EXOC4: variants seen among roughly 807,000 people sequenced by gnomAD.
EXOC4 encodes SEC8-like 1.
In EXOC4, 71 loss-of-function variants were observed where a neutral mutation model predicts 107.2. The ratio of observed to expected loss-of-function variants is 0.66; its 90% CI spans 0.55 to 0.81. EXOC4 has a LOEUF of 0.81. Ranked by LOEUF, EXOC4 falls within the 30% of genes least tolerant of loss-of-function variation. The pLI is 0.00. For synonymous variants in EXOC4, 456 were observed against 441.2 expected (o/e 1.03, Z -0.42); for missense variants, 1,108 against 1,189.6 (o/e 0.93, Z 1.01).
chr7:133,293,455 C>T (rs530162419), intron 3 of EXOC4, among the ~76,000 whole-genome samples: 4 of 152,312 alleles, frequency 2.6e-5, no homozygotes, highest in Admixed American at 1.3e-4. Flanking sequence ...TCCTTCAAAA[C>T]CCCCTGATTT....
At position 133,780,759 on chromosome 7, in the gene EXOC4, C is replaced by T. The variant is rs575774923; in HGVS notation, c.1515-36566C>T. Among the ~76,000 whole-genome samples, 27 of 152,220 alleles carry T rather than the reference C, an allele frequency of 1.8e-4. No homozygotes were observed. In the East Asian group the frequency reaches 2.9e-3, roughly 16 times the overall value. On this transcript the variant is annotated intron_variant, in intron 10 of 17. Transcript: ENST00000253861. ...ACTCCATGAGAATCCAAACAGGTGG[C>T]GCCTGTAGACCAACCAACAGCTGTG...
chr7:133,453,600 A>G (rs1164260845), intron 7 of EXOC4, among the ~76,000 whole-genome samples: 1 of 151,902 alleles, frequency 6.6e-6, no homozygotes, highest in African/African-American at 2.4e-5. Flanking sequence ...TTTTTTTCCT[A>G]TTGTATCTAC....
intron 10 of EXOC4, among the ~76,000 whole-genome samples, chr7:133,743,174 C>T (rs543238160): frequency 6.6e-5 from 10 of 152,028 alleles, no homozygotes; most frequent in Admixed American, 5.3e-4. Flanking sequence ...AAGAGACAAT[C>T]GATAGAAAAA....
rs533351325 is a variant in EXOC4 at position 133,936,752 on chromosome 7, C to T, written c.2028-1139C>T. ...TCGGCTCACTGCAACCTCCGCCTCC[C>T]GGGTTCAAGCGATTCTCCTGCCTCA... On this transcript the variant is annotated intron_variant, in intron 13 of 17. Coordinates refer to ENST00000253861, the MANE Select transcript of EXOC4 (RefSeq NM_021807.4). Among the ~76,000 whole-genome samples, 376 of 152,254 alleles carry T rather than the reference C, an allele frequency of 2.5e-3. 1 individual carries two copies. Among genetic ancestry groups the T allele is most frequent in the African/African-American group, 8.7e-3 (360 of 41,540 alleles).
At chr7:133,803,546 G>T (rs1307409892) in intron 10 of EXOC4, among the ~76,000 whole-genome samples, 1 of 152,060 alleles carries the variant, frequency 6.6e-6, no homozygotes, top group Non-Finnish European at 1.5e-5. Flanking sequence ...AGTTCTGCAG[G>T]AACTGATAAT....
chr7:133,818,668 C>T (rs909731073), intron 11 of EXOC4, among the ~76,000 whole-genome samples: 1 of 152,158 alleles, frequency 6.6e-6, no homozygotes, highest in African/African-American at 2.4e-5. Context: ...GCCAAAGGAA[C>T]GTGCTTGCTC....
intron 5 of EXOC4, among the ~76,000 whole-genome samples, chr7:133,317,835 C>T (rs188085766): frequency 3.3e-4 from 50 of 152,238 alleles, no homozygotes; most frequent in Non-Finnish European, 1.9e-4. Context: ...GTGCCTGCCA[C>T]CATGCCCAGC....
chr7:134,005,191 T>G, intron 16 of EXOC4, 101 bp downstream of exon 16: 1 of 1,253,158 alleles, frequency 8.0e-7, no homozygotes, highest in Non-Finnish European at 1.1e-6. Flanking sequence ...AGAAAAGAGT[T>G]GTTTGCTTGC....
intron 10 of EXOC4, among the ~76,000 whole-genome samples, chr7:133,816,056 T>A (rs1485303528): frequency 6.6e-6 from 1 of 152,222 alleles, no homozygotes; most frequent in Non-Finnish European, 1.5e-5. Flanking sequence ...GACCAGTTGC[T>A]AATAGACATT....
At chr7:134,075,292 T>A in the EXOC4 span, among the ~76,000 whole-genome samples, 8 of 152,206 alleles carry the variant, frequency 5.3e-5, no homozygotes, top group South Asian at 8.3e-4. Flanking sequence ...TCTCAATATA[T>A]CTTGCTCTCC....
At chr7:134,092,159 T>G in the EXOC4 span, among the ~76,000 whole-genome samples, 1 of 152,208 alleles carries the variant, frequency 6.6e-6, no homozygotes, top group Non-Finnish European at 1.5e-5. Flanking sequence ...GGTTTCTTTT[T>G]GGGTTGATGA....
intron 1 of EXOC4, among the ~76,000 whole-genome samples, chr7:133,273,731 A>G (rs1793926578): frequency 6.6e-6 from 1 of 152,176 alleles, no homozygotes; most frequent in South Asian, 2.1e-4. Flanking sequence ...AGAGCAGACT[A>G]TTGTACAGTA....
chr7:133,844,362 G>A (rs973138270), intron 11 of EXOC4, among the ~76,000 whole-genome samples: 3 of 132,708 alleles, frequency 2.3e-5, no homozygotes, highest in African/African-American at 8.7e-5. Flanking sequence ...TTAATTTCTT[G>A]GATTCCCACA....
At chr7:133,990,043 A>G (rs1015970073) in intron 14 of EXOC4, among the ~76,000 whole-genome samples, 5 of 152,192 alleles carry the variant, frequency 3.3e-5, no homozygotes, top group African/African-American at 1.2e-4. Flanking sequence ...TACATGTGAT[A>G]TTTTGATAAA....
At chr7:133,356,642 G>A (rs1296103564) in intron 6 of EXOC4, 69 bp downstream of exon 6, 6 of 1,540,640 alleles carry the variant, frequency 3.9e-6, no homozygotes, top group South Asian at 1.2e-5. Context: ...TGGGGCGTAA[G>A]TAACTTACCT....
At chr7:133,354,746 A>G (rs940600831) in intron 5 of EXOC4, among the ~76,000 whole-genome samples, 1 of 152,134 alleles carries the variant, frequency 6.6e-6, no homozygotes, top group African/African-American at 2.4e-5. Flanking sequence ...GGTGTGTGCA[A>G]GGTACTCCAG....
intron 7 of EXOC4, among the ~76,000 whole-genome samples, chr7:133,465,058 A>C (rs1251141947): frequency 6.6e-6 from 1 of 151,774 alleles, no homozygotes; most frequent in African/African-American, 2.4e-5. Flanking sequence ...GGCCTCAAGC[A>C]ATCCTCCCAC....
intron 14 of EXOC4, among the ~76,000 whole-genome samples, chr7:133,968,072 T>C (rs1177866779): frequency 4.6e-5 from 7 of 152,212 alleles, no homozygotes; most frequent in African/African-American, 1.7e-4. Flanking sequence ...TTAATCCCTT[T>C]AACCATTATG....
At chr7:133,646,293 A>G (rs1285526320) in intron 10 of EXOC4, among the ~76,000 whole-genome samples, 1 of 152,174 alleles carries the variant, frequency 6.6e-6, no homozygotes, top group Non-Finnish European at 1.5e-5. Flanking sequence ...CTTCTCCAAG[A>G]AGTATTTTTC....
Sources: allele counts gnomAD v4.1 joint callset (sites outside exome capture counted in the v4.1 genomes callset), GRCh38; gene constraint gnomAD v4.1.1; transcripts MANE v1.5; gene names NCBI Gene and HGNC (gene_info 2026-07-23, HGNC 2026-07-21).